PCLO: variants seen among roughly 807,000 people sequenced by gnomAD.
PCLO encodes the protein piccolo presynaptic cytomatrix protein, also known as protein piccolo.
PCLO carries 82 observed loss-of-function variants against 427.5 expected under a neutral mutation model. The ratio of observed to expected loss-of-function variants is 0.19; its 90% CI spans 0.16 to 0.23. The LOEUF is 0.23. PCLO is among the 10% of genes least tolerant of loss of function. The pLI, the probability that PCLO is intolerant of heterozygous loss-of-function variation, is 1.00. For missense variants in PCLO, 6,239 were observed against 6,115.9 expected, an observed-to-expected ratio of 1.02 and a Z score of -0.67; for synonymous variants, 2,357 against 2,155.4, an observed-to-expected ratio of 1.09 and a Z score of -2.59.
chr7:82,817,830 G>T (rs966325593), intron 20 of PCLO, among the ~76,000 whole-genome samples: 1 of 151,912 alleles, frequency 6.6e-6, no homozygotes, highest in Non-Finnish European at 1.5e-5. Flanking sequence ...TATTGACCAG[G>T]GTAGAGGGAT....
At chr7:82,902,238 A>G (rs1794060824) in intron 9 of PCLO, among the ~76,000 whole-genome samples, 1 of 151,404 alleles carries the variant, frequency 6.6e-6, no homozygotes, top group Non-Finnish European at 1.5e-5. Context: ...ATGGAATACT[A>G]TGCAGCCATA....
At chr7:83,020,783 A>G (rs1409928426) in intron 3 of PCLO, among the ~76,000 whole-genome samples, 3 of 152,112 alleles carry the variant, frequency 2.0e-5, no homozygotes, top group African/African-American at 7.2e-5. Context: ...AATTTCGTAA[A>G]ATTAATCAGG....
rs974454901 is a variant in PCLO, at chr7:82,756,524, T to C, written c.*2051A>G. ...TTCTCAGTTTGGGGAAGATCGAATTTGTATTCTGAAGTCATATATATATAT... is the reference window on the plus strand; with the variant it reads ...TTCTCAGTTTGGGGAAGATCGAATTCGTATTCTGAAGTCATATATATATAT... On this transcript the variant is annotated 3_prime_UTR_variant, in exon 25 of 25. Transcript: ENST00000333891. 7.6e-6 allele frequency: 1 copy of C among 131,704 alleles called. No homozygotes were observed. Among genetic ancestry groups the C allele is most frequent in the African/African-American group, 2.7e-5 (1 of 36,888 alleles). The allele number at this position is 131,704 out of a possible 1,614,324, so 8.2% of individuals were successfully genotyped here. A position where few individuals can be genotyped will look rare whatever the true frequency, so the allele number is the denominator to read the frequency against.
At chr7:82,965,525 A>G (rs1795747033) in intron 4 of PCLO, among the ~76,000 whole-genome samples, 1 of 152,032 alleles carries the variant, frequency 6.6e-6, no homozygotes, top group Admixed American at 6.6e-5. Flanking sequence ...ATTTTGATAG[A>G]TTATTTGATA....
intron 2 of PCLO, among the ~76,000 whole-genome samples, chr7:83,145,254 A>C (rs1483918033): frequency 6.6e-6 from 1 of 152,190 alleles, no homozygotes; most frequent in Non-Finnish European, 1.5e-5. Flanking sequence ...GAGAACAAAG[A>C]AGTATGAATC....
At chr7:82,882,904 A>G (rs1793542829) in intron 9 of PCLO, among the ~76,000 whole-genome samples, 1 of 152,114 alleles carries the variant, frequency 6.6e-6, no homozygotes, top group African/African-American at 2.4e-5. Flanking sequence ...TGCTACAATG[A>G]AAGCTCTGGT....
Position 82,966,502 on chromosome 7 carries a change from T to C in PCLO, c.3301-15A>G, listed in dbSNP as rs1365259766. 1.4e-6 allele frequency: 2 copies of C among 1,473,274 alleles called. No homozygotes were observed. Among genetic ancestry groups the C allele is most frequent in the East Asian group, 4.6e-5 (2 of 43,676 alleles). 91.3% of individuals were successfully genotyped at this position (1,473,274 alleles called of 1,614,324 possible). A position where few individuals can be genotyped will look rare whatever the true frequency, so the allele number is the denominator to read the frequency against. ...CATTCTTGAATCTGTGGGAAAAAAATTACAATGAACAGATTGAATGTATTA... is the reference window on the plus strand; with the variant it reads ...CATTCTTGAATCTGTGGGAAAAAAACTACAATGAACAGATTGAATGTATTA... On this transcript the variant is annotated splice_polypyrimidine_tract_variant and intron_variant, in intron 3 of 24. Coordinates refer to ENST00000333891, the MANE Select transcript of PCLO (RefSeq NM_033026.6).
At chr7:82,802,072 A>AT (rs199579450) in intron 21 of PCLO, among the ~76,000 whole-genome samples, 15 of 150,548 alleles carry the variant, frequency 1.0e-4, no homozygotes, top group South Asian at 4.2e-4. Context: ...TATTTCATGT[A>AT]TTTTTTTTTC....
intron 2 of PCLO, among the ~76,000 whole-genome samples, chr7:83,152,126 G>A (rs1334997076): frequency 7.9e-5 from 12 of 151,734 alleles, no homozygotes; most frequent in African/African-American, 2.4e-4. Context: ...CACCACGCCC[G>A]GCTAATTTTT....
At chr7:82,820,193 C>T (rs535186837) in intron 20 of PCLO, among the ~76,000 whole-genome samples, 14 of 152,232 alleles carry the variant, frequency 9.2e-5, no homozygotes, top group Admixed American at 2.6e-4. Context: ...GTAGATCAGA[C>T]GTGGGAGAGA....
intron 22 of PCLO, among the ~76,000 whole-genome samples, chr7:82,785,257 A>C (rs148757305): frequency 0.01 from 1,546 of 152,198 alleles, 17 homozygotes; most frequent in African/African-American, 0.035. Flanking sequence ...AGGAGCACAC[A>C]ACCTAGATCC....
At chr7:82,785,400 T>A (rs1384243503) in intron 22 of PCLO, among the ~76,000 whole-genome samples, 1 of 152,186 alleles carries the variant, frequency 6.6e-6, no homozygotes, top group East Asian at 1.9e-4. Context: ...TGGCCTGGTT[T>A]CTAACAGGCC....
chr7:82,928,255 G>T (rs1032324165), intron 6 of PCLO, among the ~76,000 whole-genome samples: 1 of 152,250 alleles, frequency 6.6e-6, no homozygotes, highest in Non-Finnish European at 1.5e-5. Context: ...TGAAGCAAAT[G>T]TTTAAACAAA....
rs1433531264 is a variant in PCLO, at chr7:82,952,222, T to C, written c.8731A>G (p.Thr2911Ala). 6.2e-7 allele frequency: 1 copy of C among 1,613,872 alleles called. No individual in the cohort carries two copies. Residue 2911 changes from threonine to alanine, a missense_variant, in exon 5 of 25, where the codon ACA becomes GCA. This residue lies in a region of PCLO where 4,677 missense variants were observed against 4,468.4 expected (regional missense o/e 1.05). Transcript: ENST00000333891. ...ACACTTGAAGTAGACTCATCCATTG[T>C]TACGACTGTTCTGTGAGACTTGGTT... ...STTKSHRTVVTMDESTSSVMT... is the reference protein window; with the variant it reads ...STTKSHRTVVAMDESTSSVMT...
At chr7:83,059,791 A>T (rs760953472) in intron 3 of PCLO, among the ~76,000 whole-genome samples, 1 of 152,166 alleles carries the variant, frequency 6.6e-6, no homozygotes, top group Non-Finnish European at 1.5e-5. Flanking sequence ...TTTCCCAATT[A>T]GATGGAAAGT....
At chr7:83,138,668 A>G (rs1434172339) in intron 2 of PCLO, among the ~76,000 whole-genome samples, 1 of 152,048 alleles carries the variant, frequency 6.6e-6, no homozygotes, top group Non-Finnish European at 1.5e-5. Flanking sequence ...AAAAAAAAGA[A>G]GCAGCAGCAA....
rs373795957 is a variant in PCLO at position 83,085,214 on chromosome 7, G to A, written c.3300+49036C>T. 1.9e-3 allele frequency among the ~76,000 whole-genome samples: 291 copies of A among 152,150 alleles called. 1 individual carries two copies. Among genetic ancestry groups the A allele is most frequent in the Middle Eastern group, 0.01 (3 of 294 alleles). ...GGTCCAGAAATGTGTGCCATTTCAG[G>A]AGAAAAGCAACTTGTGGAAAGAAAC... is the stretch of plus-strand genomic sequence containing the variant. On this transcript the variant is annotated intron_variant, in intron 3 of 24. Coordinates refer to ENST00000333891, the MANE Select transcript of PCLO (RefSeq NM_033026.6).
intron 3 of PCLO, among the ~76,000 whole-genome samples, chr7:82,974,319 G>A (rs1194571242): frequency 6.6e-6 from 1 of 152,176 alleles, no homozygotes; most frequent in African/African-American, 2.4e-5. Flanking sequence ...CCAGGAGCTG[G>A]AGGTGGCAGT....
intron 3 of PCLO, among the ~76,000 whole-genome samples, chr7:82,982,245 A>T (rs1796162318): frequency 6.6e-6 from 1 of 152,118 alleles, no homozygotes; most frequent in Non-Finnish European, 1.5e-5. Flanking sequence ...GAATTGTCTC[A>T]CTATATTTAT....
Sources: gnomAD v4.1 joint callset for allele counts (sites outside exome capture counted in the v4.1 genomes callset) on GRCh38, gnomAD v4.1.1 for gene constraint, gnomAD v4.1.1 regional missense constraint, MANE v1.5 for transcripts, NCBI Gene and HGNC (gene_info 2026-07-23, HGNC 2026-07-21) for gene names.